The following ANO4 variants were observed in gnomAD, a reference collection of about 807,000 sequenced individuals.
The protein encoded by ANO4 is anoctamin-4.
In ANO4, 69 loss-of-function variants were observed where a neutral mutation model predicts 141.9. That is an observed-to-expected ratio of 0.49 (90% CI 0.40 to 0.59). ANO4 has a LOEUF of 0.59. Among genes scored for constraint, ANO4 ranks in the 20% least tolerant of loss-of-function variants. The pLI is 0.00. For missense variants in ANO4, 894 were observed against 1,162.2 expected, an observed-to-expected ratio of 0.77 and a Z score of 3.36; for synonymous variants, 350 against 394.3, an observed-to-expected ratio of 0.89 and a Z score of 1.33.
intron 3 of ANO4, among the ~76,000 whole-genome samples, chr12:100,935,413 G>C (rs755214164): frequency 2.2e-4 from 33 of 152,138 alleles, no homozygotes; most frequent in Non-Finnish European, 4.0e-4. Context: ...TGCATATGTT[G>C]AACCAGCCTT....
At chr12:100,857,094 A>G (rs954593042) in intron 1 of ANO4, among the ~76,000 whole-genome samples, 16 of 152,140 alleles carry the variant, frequency 1.1e-4, no homozygotes, top group African/African-American at 3.9e-4. Context: ...AAAAACCATC[A>G]TGGGGCGTAT....
chr12:100,778,686 T>G (rs2033614728), intron 3 of ANO4, among the ~76,000 whole-genome samples: 1 of 152,146 alleles, frequency 6.6e-6, no homozygotes. Flanking sequence ...GTTCTCTCAT[T>G]TGTAAATTCG....
At chr12:100,895,561 GTTTT>G (rs201323252) in intron 1 of ANO4, among the ~76,000 whole-genome samples, 1 of 131,110 alleles carries the variant, frequency 7.6e-6, no homozygotes, top group Non-Finnish European at 1.7e-5. Flanking sequence ...TCTGAGCTTT[GTTTT>G]TTTTTTTTTT....
chr12:100,932,755 G>A (rs2042131994), intron 3 of ANO4, among the ~76,000 whole-genome samples: 1 of 152,150 alleles, frequency 6.6e-6, no homozygotes, highest in Non-Finnish European at 1.5e-5. Context: ...ATCCTGGGAT[G>A]ATGTAAACCA....
rs557406015 is a variant in ANO4 at position 101,042,512 on chromosome 12, G to C, written c.1154+44G>C. ...TGAGTTTGCCTTTGTTTAGTACTTA[G>C]AGGTGGCTGTTTGCACTTTGGGGGT... On this transcript the variant is annotated intron_variant, in intron 12 of 27. Transcript: ENST00000392977. 1.7e-3 allele frequency: 2,789 copies of C among 1,610,292 alleles called. 62 individuals are homozygous for C. The South Asian group carries it at 0.027, about 16-fold the overall frequency.
chr12:100,737,704 A>G (rs1287565583), intron 2 of ANO4, among the ~76,000 whole-genome samples: 1 of 152,218 alleles, frequency 6.6e-6, no homozygotes, highest in African/African-American at 2.4e-5. Context: ...TATTTATAGT[A>G]AGAACAAAAA....
At chr12:100,961,696 T>C (rs951063121) in intron 5 of ANO4, among the ~76,000 whole-genome samples, 7 of 152,218 alleles carry the variant, frequency 4.6e-5, no homozygotes, top group African/African-American at 1.7e-4. Flanking sequence ...TATTGAGATA[T>C]TTTACATTCT....
chr12:100,781,656 A>G (rs2033715145), intron 3 of ANO4, among the ~76,000 whole-genome samples: 1 of 152,132 alleles, frequency 6.6e-6, no homozygotes, highest in South Asian at 2.1e-4. Context: ...TGTATTGCGT[A>G]TTTCTATAGC....
chr12:100,850,918 A>G (rs1463690849), intron 1 of ANO4, among the ~76,000 whole-genome samples: 5 of 152,188 alleles, frequency 3.3e-5, no homozygotes, highest in Non-Finnish European at 7.4e-5. Flanking sequence ...AAATGATTTT[A>G]ATGAGATATT....
intron 8 of ANO4, among the ~76,000 whole-genome samples, chr12:100,992,541 C>A (rs536412500): frequency 6.6e-6 from 1 of 152,226 alleles, no homozygotes; most frequent in Non-Finnish European, 1.5e-5. Flanking sequence ...TGACCCTCTC[C>A]TTCCCCACTA....
intron 1 of ANO4, among the ~76,000 whole-genome samples, chr12:100,861,002 C>A (rs1040811869): frequency 6.6e-6 from 1 of 152,118 alleles, no homozygotes; most frequent in African/African-American, 2.4e-5. Flanking sequence ...TTGTGAAGAG[C>A]GAAAGAACAA....
chr12:101,045,658 C>T (rs1221712902), intron 13 of ANO4, among the ~76,000 whole-genome samples: 1 of 152,150 alleles, frequency 6.6e-6, no homozygotes, highest in East Asian at 1.9e-4. Context: ...CTCCTACTGG[C>T]TTAGTCAGAA....
chr12:100,770,223 A>G (rs1239745559), intron 3 of ANO4, among the ~76,000 whole-genome samples: 1 of 152,200 alleles, frequency 6.6e-6, no homozygotes, highest in Non-Finnish European at 1.5e-5. Flanking sequence ...TGCCATCAGA[A>G]TCACCGGGAG....
intron 1 of ANO4, among the ~76,000 whole-genome samples, chr12:100,811,325 T>C (rs1372455145): frequency 6.6e-6 from 1 of 152,198 alleles, no homozygotes; most frequent in Non-Finnish European, 1.5e-5. Flanking sequence ...TTATAAGATG[T>C]TCTGGAGACT....
chr12:100,927,588 A>ATG (rs1163246505), intron 3 of ANO4, among the ~76,000 whole-genome samples: 2 of 152,046 alleles, frequency 1.3e-5, no homozygotes, highest in East Asian at 1.9e-4. Context: ...AATCAGGTGT[A>ATG]TGTGTGTGTG....
chr12:101,000,388 T>C (rs1184364932), intron 8 of ANO4, among the ~76,000 whole-genome samples: 4 of 152,256 alleles, frequency 2.6e-5, no homozygotes, highest in African/African-American at 9.6e-5. Flanking sequence ...AAGATAGTGA[T>C]TCTTCTAACC....
At chr12:101,048,285 G>C in intron 13 of ANO4, 56 bp from the exon 14 acceptor site, 1 of 1,561,708 alleles carries the variant, frequency 6.4e-7, no homozygotes, top group Non-Finnish European at 8.8e-7. Flanking sequence ...GAAAAAATTT[G>C]AATTGGAATA....
rs150863508 is a variant in ANO4, at chr12:100,789,161, A to G, written c.358+49056A>G. 2.3e-3 allele frequency among the ~76,000 whole-genome samples: 354 copies of G among 152,316 alleles called. 1 individual carries two copies. The highest frequency in any genetic ancestry group is 0.01 in the Middle Eastern group (3 of 294). On this transcript the variant is annotated intron_variant, in intron 3 of 29. Transcript: ENST00000644049. ...GTATGCATACCATATATAAATATAT[A>G]TACCCCATCTCATGCTACATAGTCA...
chr12:100,898,929 CT>C (rs1226810798), intron 1 of ANO4, among the ~76,000 whole-genome samples: 1 of 152,186 alleles, frequency 6.6e-6, no homozygotes, highest in Non-Finnish European at 1.5e-5. Flanking sequence ...CTTGATGGGT[CT>C]ACAGATGGTT....
Sources: allele counts gnomAD v4.1 joint callset (sites outside exome capture counted in the v4.1 genomes callset), GRCh38; gene constraint gnomAD v4.1.1; transcripts MANE v1.5; gene names NCBI Gene and HGNC (gene_info 2026-07-23, HGNC 2026-07-21).